Variants in NRXN1 observed in about 807,000 individuals in gnomAD.
NRXN1 encodes neurexin-1.
A neutral mutation model predicts 150.9 loss-of-function variants in NRXN1; 39 were observed. The ratio of observed to expected loss-of-function variants is 0.26; its 90% CI spans 0.20 to 0.34. NRXN1 has a LOEUF of 0.34. Ranked by LOEUF, NRXN1 falls within the 10% of genes least tolerant of loss-of-function variation. NRXN1 has a pLI of 1.00. For synonymous variants in NRXN1, 924 were observed against 757.0 expected, an observed-to-expected ratio of 1.22 and a Z score of -3.62; for missense variants, 1,815 against 1,949.9, an observed-to-expected ratio of 0.93 and a Z score of 1.30.
At chr2:50,667,204 C>T (rs1163354834) in intron 5 of NRXN1, among the ~76,000 whole-genome samples, 4 of 151,524 alleles carry the variant, frequency 2.6e-5, no homozygotes, top group African/African-American at 9.7e-5. Flanking sequence ...AAGTAAACTG[C>T]ACTTTTCTTT....
chr2:50,932,632 C>T (rs1388065370), intron 2 of NRXN1, among the ~76,000 whole-genome samples: 1 of 151,994 alleles, frequency 6.6e-6, no homozygotes, highest in African/African-American at 2.4e-5. Flanking sequence ...GTACAGTGTA[C>T]ACTGCTCGGG....
At chr2:50,693,569 T>C (rs1379816008) in intron 5 of NRXN1, among the ~76,000 whole-genome samples, 1 of 152,132 alleles carries the variant, frequency 6.6e-6, no homozygotes, top group Non-Finnish European at 1.5e-5. Context: ...ACAACTGCAC[T>C]ACTGAAATAA....
intron 15 of NRXN1, among the ~76,000 whole-genome samples, chr2:50,489,314 C>G (rs990374559): frequency 3.3e-5 from 5 of 152,112 alleles, no homozygotes; most frequent in Admixed American, 3.3e-4. Flanking sequence ...TAAAGTTTCA[C>G]CAAAAGCAGA....
chr2:50,991,837 T>C (rs1257210914), intron 2 of NRXN1, among the ~76,000 whole-genome samples: 2 of 152,042 alleles, frequency 1.3e-5, no homozygotes, highest in Admixed American at 6.6e-5. Context: ...TATTGTTAAC[T>C]CCATTCTCAT....
At chr2:50,438,869 C>T (rs2085678117) in intron 17 of NRXN1, among the ~76,000 whole-genome samples, 1 of 152,174 alleles carries the variant, frequency 6.6e-6, no homozygotes. Context: ...AATAGATCTT[C>T]TGGTGGCTTC....
chr2:50,042,486 G>A (rs969265921), intron 21 of NRXN1, among the ~76,000 whole-genome samples: 11 of 152,188 alleles, frequency 7.2e-5, no homozygotes, highest in Non-Finnish European at 1.5e-4. Context: ...GCAGAACTGT[G>A]AGCCAATTAA....
At chr2:50,160,319 T>C (rs1349433509) in intron 18 of NRXN1, among the ~76,000 whole-genome samples, 1 of 152,052 alleles carries the variant, frequency 6.6e-6, no homozygotes, top group Non-Finnish European at 1.5e-5. Flanking sequence ...GGTGGGCAGA[T>C]CACCTTAGGT....
At chr2:50,316,293 C>T (rs1192819619) in intron 17 of NRXN1, among the ~76,000 whole-genome samples, 1 of 152,008 alleles carries the variant, frequency 6.6e-6, no homozygotes, top group Non-Finnish European at 1.5e-5. Context: ...ATGTCTATCA[C>T]CTCTCCCTCC....
chr2:50,024,436 T>C (rs1273926103), intron 21 of NRXN1, among the ~76,000 whole-genome samples: 2 of 152,176 alleles, frequency 1.3e-5, no homozygotes, highest in African/African-American at 4.8e-5. Context: ...ACCTTTATAT[T>C]TATGAGAAAC....
chr2:51,021,992 A>G (rs1669683749), intron 2 of NRXN1, among the ~76,000 whole-genome samples: 1 of 152,114 alleles, frequency 6.6e-6, no homozygotes. Flanking sequence ...AGACATGGGT[A>G]ACATTAGAAC....
At chr2:50,943,239 C>T (rs191769709) in intron 2 of NRXN1, among the ~76,000 whole-genome samples, 122 of 152,292 alleles carry the variant, frequency 8.0e-4, no homozygotes, top group African/African-American at 2.8e-3. Flanking sequence ...ATTACCAAGT[C>T]TCAAGCAGCT....
intron 18 of NRXN1, among the ~76,000 whole-genome samples, chr2:50,151,640 C>A (rs1383252395): frequency 6.6e-6 from 1 of 151,674 alleles, no homozygotes; most frequent in Non-Finnish European, 1.5e-5. Flanking sequence ...GGGATAGAAA[C>A]AGAAAGTAGA....
chr2:50,514,850 A>T (rs2092578734), intron 12 of NRXN1, among the ~76,000 whole-genome samples: 1 of 152,234 alleles, frequency 6.6e-6, no homozygotes, highest in African/African-American at 2.4e-5. Context: ...GTGCGAGGAA[A>T]CCTGAGTTTT....
intron 2 of NRXN1, among the ~76,000 whole-genome samples, chr2:51,015,137 C>T (rs752975453): frequency 6.6e-6 from 1 of 151,950 alleles, no homozygotes; most frequent in African/African-American, 2.4e-5. Context: ...TCTCAATGTC[C>T]TCATTGTTTC....
Position 50,972,021 on chromosome 2 carries a change from T to A in NRXN1, c.773-46066A>T, listed in dbSNP as rs531208221. The stretch of plus-strand genomic sequence containing the variant: ...TTTCAGTAAGAGGGAAGAAGAGATA[T>A]CCTGGAGACTCAAAATATCATTATT... On this transcript the variant is annotated intron_variant, in intron 2 of 22. Coordinates refer to ENST00000401669, the MANE Select transcript of NRXN1 (RefSeq NM_001330078.2). Among the ~76,000 whole-genome samples the A allele has an allele frequency of 2.1e-4, 32 of 152,132 alleles. No homozygotes were observed. The South Asian group carries it at 6.4e-3, about 31-fold the overall frequency.
At chr2:50,230,298 A>T (rs1915218) in intron 18 of NRXN1, among the ~76,000 whole-genome samples, 23,122 of 151,858 alleles carry the variant, frequency 0.15, 2,123 homozygotes, top group African/African-American at 0.25. Flanking sequence ...CTCATTTTTT[A>T]AAAAAAGTTA....
At chr2:50,294,440 T>G (rs910763476) in intron 17 of NRXN1, among the ~76,000 whole-genome samples, 1 of 152,190 alleles carries the variant, frequency 6.6e-6, no homozygotes. Context: ...AAATCAGAAA[T>G]AGCAAATAGT....
chr2:50,067,689 G>C (rs1033038530), intron 19 of NRXN1, among the ~76,000 whole-genome samples: 1 of 152,176 alleles, frequency 6.6e-6, no homozygotes, highest in African/African-American at 2.4e-5. Context: ...AAAACAGGCA[G>C]AGCCATTGAT....
In NRXN1 at chr2:50,098,830, GTTTTTTTTTTTT is replaced by G. The variant is rs746736925; in HGVS notation, c.3547-7348_3547-7337del. On this transcript the variant is annotated intron_variant, in intron 18 of 22. Transcript: ENST00000401669. ...GTGCATGGTTTTGTTTTTGGTTTTA[GTTTTTTTTTTTT>G]TTTTTTTTTTTTTTTTTTTTTTTTT... is the stretch of plus-strand genomic sequence containing the variant. Among the ~76,000 whole-genome samples the G allele has an allele frequency of 3.3e-3, 350 of 105,562 alleles. 14 individuals carry two copies. The highest frequency in any genetic ancestry group is 0.011 in the African/African-American group (326 of 28,706). The allele number at this position is 105,562 out of a possible 152,430, so 69.3% of individuals were successfully genotyped here.
Sources: allele counts gnomAD v4.1 joint callset (sites outside exome capture counted in the v4.1 genomes callset), GRCh38; gene constraint gnomAD v4.1.1; transcripts MANE v1.5; gene names NCBI Gene and HGNC (gene_info 2026-07-23, HGNC 2026-07-21).